The following PEBP4 variants were observed in gnomAD, a reference collection of about 807,000 sequenced individuals.
PEBP4 encodes phosphatidylethanolamine binding protein 4, also known as phosphatidylethanolamine-binding protein 4.
Under a neutral mutation model 23.9 loss-of-function variants are expected in PEBP4, and 22 were observed. The ratio of observed to expected loss-of-function variants is 0.92; its 90% CI spans 0.66 to 1.31. PEBP4 has a LOEUF of 1.31. Ranked by LOEUF, PEBP4 falls within the 40% of genes most tolerant of loss-of-function variation. PEBP4 has a pLI of 0.00. For missense variants in PEBP4, 324 were observed against 281.7 expected (o/e 1.15, Z -1.07); for synonymous variants, 112 against 99.3 (o/e 1.13, Z -0.76).
chr8:22,771,255 G>A (rs117967230), intron 4 of PEBP4, among the ~76,000 whole-genome samples: 1,957 of 152,334 alleles, frequency 0.013, 14 homozygotes, highest in South Asian at 0.034. Flanking sequence ...TTGGGAGGCC[G>A]AGGTGGGTGG....
At chr8:22,849,525 A>AAC (rs56868911) in intron 3 of PEBP4, among the ~76,000 whole-genome samples, 4,411 of 152,250 alleles carry the variant, frequency 0.029, 180 homozygotes, top group African/African-American at 0.1. Context: ...TGCTAATGAT[A>AAC]ACACACCAGC....
chr8:22,737,730 CTT>C (rs1445702488), intron 4 of PEBP4, among the ~76,000 whole-genome samples: 1 of 152,236 alleles, frequency 6.6e-6, no homozygotes, highest in Non-Finnish European at 1.5e-5. Flanking sequence ...AGCTACATGA[CTT>C]TGAGCAAGAC....
chr8:22,799,978 G>A (rs1806348587), intron 4 of PEBP4, among the ~76,000 whole-genome samples: 1 of 152,168 alleles, frequency 6.6e-6, no homozygotes, highest in Non-Finnish European at 1.5e-5. Context: ...TGATAGACTG[G>A]ATTAAGAAAA....
chr8:22,766,622 A>G (rs1315635493), intron 4 of PEBP4, among the ~76,000 whole-genome samples: 1 of 152,162 alleles, frequency 6.6e-6, no homozygotes, highest in African/African-American at 2.4e-5. Context: ...TGTGGGGGTA[A>G]CCAAAAATGG....
At chr8:22,729,445 G>C (rs1804686666) in intron 4 of PEBP4, among the ~76,000 whole-genome samples, 1 of 152,240 alleles carries the variant, frequency 6.6e-6, no homozygotes, top group South Asian at 2.1e-4. Context: ...AGGCAAGGGA[G>C]CAGGCAAGGG....
chr8:22,722,351 T>G (rs12716548), intron 6 of PEBP4, among the ~76,000 whole-genome samples: 56,620 of 152,024 alleles, frequency 0.37, 11,425 homozygotes, highest in African/African-American at 0.52. Flanking sequence ...TTTTCTAGAT[T>G]AGGAAACTGA....
intron 4 of PEBP4, among the ~76,000 whole-genome samples, chr8:22,801,257 A>G (rs979328005): frequency 6.6e-6 from 1 of 152,158 alleles, no homozygotes. Context: ...GCATGATCTC[A>G]CTTGAGCCTC....
At chr8:22,875,085 C>T (rs982413540) in intron 3 of PEBP4, among the ~76,000 whole-genome samples, 6 of 151,984 alleles carry the variant, frequency 3.9e-5, no homozygotes, top group Non-Finnish European at 4.4e-5. Flanking sequence ...CCATCCTTTT[C>T]CTTCGCCACC....
intron 4 of PEBP4, among the ~76,000 whole-genome samples, chr8:22,785,511 C>T (rs2128755924): frequency 6.6e-6 from 1 of 152,296 alleles, no homozygotes; most frequent in South Asian, 2.1e-4. Context: ...GGCGGTCTGG[C>T]TTGGGACAGA....
chr8:22,748,778 C>T (rs1012671162), intron 4 of PEBP4, among the ~76,000 whole-genome samples: 1 of 152,168 alleles, frequency 6.6e-6, no homozygotes, highest in African/African-American at 2.4e-5. Flanking sequence ...GAGGCTCCCA[C>T]ATGCAGGGTA....
At chr8:22,751,967 G>GCGCA (rs1316029411) in intron 4 of PEBP4, among the ~76,000 whole-genome samples, 1 of 152,188 alleles carries the variant, frequency 6.6e-6, no homozygotes, top group Non-Finnish European at 1.5e-5. Flanking sequence ...TTTGATCATA[G>GCGCA]CGCACTGCAG....
At chr8:22,883,502 T>C (rs556996072) in intron 3 of PEBP4, among the ~76,000 whole-genome samples, 1 of 151,596 alleles carries the variant, frequency 6.6e-6, no homozygotes, top group Non-Finnish European at 1.5e-5. Flanking sequence ...GAAGGTTGTA[T>C]CTGCACACTT....
chr8:22,732,859 T>C (rs1331403420), intron 4 of PEBP4, among the ~76,000 whole-genome samples: 1 of 152,120 alleles, frequency 6.6e-6, no homozygotes, highest in Non-Finnish European at 1.5e-5. Flanking sequence ...CTCTCCCACC[T>C]CAGATCCCAC....
intron 3 of PEBP4, among the ~76,000 whole-genome samples, chr8:22,838,940 A>T (rs1418023236): frequency 6.6e-6 from 1 of 152,166 alleles, no homozygotes; most frequent in Non-Finnish European, 1.5e-5. Flanking sequence ...TATTACTATT[A>T]ACAGACTTTC....
At chr8:22,765,790 C>G (rs1471612373) in intron 4 of PEBP4, among the ~76,000 whole-genome samples, 1 of 152,114 alleles carries the variant, frequency 6.6e-6, no homozygotes, top group South Asian at 2.1e-4. Flanking sequence ...CATGGATCAC[C>G]ACCTGTGGAT....
At chr8:22,783,989 G>A (rs1805978599) in intron 4 of PEBP4, among the ~76,000 whole-genome samples, 1 of 152,218 alleles carries the variant, frequency 6.6e-6, no homozygotes, top group Non-Finnish European at 1.5e-5. Context: ...CACTGGCTTT[G>A]GAGTTATAGC....
At chr8:22,895,102 A>G (rs891671524) in intron 3 of PEBP4, among the ~76,000 whole-genome samples, 3 of 152,150 alleles carry the variant, frequency 2.0e-5, no homozygotes, top group African/African-American at 7.2e-5. Flanking sequence ...AGAAATGTAT[A>G]GTAAGGTGCT....
At position 22,825,118 on chromosome 8, in the gene PEBP4, A is replaced by T. The variant is rs551468744; in HGVS notation, c.259-7383T>A. Among the ~76,000 whole-genome samples the T allele has an allele frequency of 4.3e-4, 66 of 152,376 alleles. 1 individual carries two copies. In the South Asian group the frequency reaches 0.014, roughly 32 times the overall value. ...CAGGGAGCTGGGTCCCAGACCTTTC[A>T]TAACAGTCATTGCCAACAGAAGCTC... On this transcript the variant is annotated intron_variant, in intron 3 of 6. Transcript: ENST00000256404.
At chr8:22,846,069 C>T (rs935009822) in intron 3 of PEBP4, among the ~76,000 whole-genome samples, 1 of 152,226 alleles carries the variant, frequency 6.6e-6, no homozygotes, top group African/African-American at 2.4e-5. Context: ...TGTCCTTCTT[C>T]TATGCGGACC....
Sources: gnomAD v4.1 joint callset for allele counts (sites outside exome capture counted in the v4.1 genomes callset) on GRCh38, gnomAD v4.1.1 for gene constraint, MANE v1.5 for transcripts, NCBI Gene and HGNC (gene_info 2026-07-23, HGNC 2026-07-21) for gene names.